The following GPC5 variants were observed in gnomAD, a reference collection of about 807,000 sequenced individuals.
The protein encoded by GPC5 is glypican 5.
A neutral mutation model predicts 53.9 loss-of-function variants in GPC5; 47 were observed. The observed-to-expected ratio is 0.87, with a 90% CI of 0.69 to 1.11. The LOEUF (loss-of-function observed/expected upper bound fraction) is 1.11. Among genes scored for constraint, GPC5 ranks in the 50% most tolerant of loss-of-function variants. The pLI, the probability that GPC5 is intolerant of heterozygous loss-of-function variation, is 0.00. For synonymous variants in GPC5, 286 were observed against 263.3 expected (o/e 1.09, Z -0.84); for missense variants, 748 against 713.1 (o/e 1.05, Z -0.56).
At chr13:92,409,966 GTGTA>G (rs1182986541) in intron 7 of GPC5, among the ~76,000 whole-genome samples, 4 of 152,204 alleles carry the variant, frequency 2.6e-5, no homozygotes, top group Non-Finnish European at 4.4e-5. Flanking sequence ...AAAATAAGGT[GTGTA>G]TGTGTGTGTA....
chr13:92,559,563 C>G (rs1411427983), intron 7 of GPC5, among the ~76,000 whole-genome samples: 1 of 151,676 alleles, frequency 6.6e-6, no homozygotes, highest in Non-Finnish European at 1.5e-5. Context: ...GGCTCTTACA[C>G]TCCAACAGGC....
intron 6 of GPC5, among the ~76,000 whole-genome samples, chr13:91,951,291 C>T (rs922303731): frequency 9.9e-5 from 15 of 151,962 alleles, no homozygotes; most frequent in African/African-American, 3.6e-4. Flanking sequence ...ACCATGAATA[C>T]ATAAAATTCG....
chr13:92,286,574 T>C (rs993089144), intron 7 of GPC5, among the ~76,000 whole-genome samples: 1 of 152,180 alleles, frequency 6.6e-6, no homozygotes, highest in African/African-American at 2.4e-5. Context: ...AATGAGTTCA[T>C]ATCCTTTGTA....
chr13:92,483,891 G>A (rs1879452280), intron 7 of GPC5, among the ~76,000 whole-genome samples: 1 of 151,988 alleles, frequency 6.6e-6, no homozygotes, highest in African/African-American at 2.4e-5. Context: ...ACTCTGGGAG[G>A]TCAAGGTGGG....
intron 2 of GPC5, among the ~76,000 whole-genome samples, chr13:91,451,190 A>C (rs1315990289): frequency 6.6e-6 from 1 of 152,228 alleles, no homozygotes; most frequent in Non-Finnish European, 1.5e-5. Flanking sequence ...AATGATGTTA[A>C]GTAGATGTGC....
At chr13:92,136,963 T>C (rs1416969167) in intron 6 of GPC5, among the ~76,000 whole-genome samples, 1 of 152,112 alleles carries the variant, frequency 6.6e-6, no homozygotes, top group Non-Finnish European at 1.5e-5. Context: ...CAACTAAACA[T>C]AAGCAGGAAG....
intron 7 of GPC5, among the ~76,000 whole-genome samples, chr13:92,778,538 T>A (rs1369621786): frequency 1.3e-5 from 2 of 152,244 alleles, no homozygotes; most frequent in African/African-American, 4.8e-5. Context: ...ATGTACTTAA[T>A]GCATGTGACA....
intron 7 of GPC5, among the ~76,000 whole-genome samples, chr13:92,324,965 A>G (rs1024050720): frequency 1.3e-4 from 19 of 151,996 alleles, no homozygotes; most frequent in African/African-American, 4.6e-4. Flanking sequence ...AACTGAGAGC[A>G]TGATTACATC....
chr13:91,866,427 C>A (rs910798425), intron 5 of GPC5, among the ~76,000 whole-genome samples: 5 of 152,096 alleles, frequency 3.3e-5, no homozygotes, highest in African/African-American at 9.7e-5. Flanking sequence ...AAAGGTGGAT[C>A]CCCATGAATG....
intron 7 of GPC5, among the ~76,000 whole-genome samples, chr13:92,853,573 A>G (rs1000975410): frequency 1.3e-5 from 2 of 152,158 alleles, no homozygotes; most frequent in African/African-American, 4.8e-5. Context: ...AAACAATAAC[A>G]CAAGTTCCAC....
intron 7 of GPC5, among the ~76,000 whole-genome samples, chr13:92,837,579 C>G (rs1175812144): frequency 6.6e-6 from 1 of 152,024 alleles, no homozygotes; most frequent in African/African-American, 2.4e-5. Context: ...AATTTTCTCT[C>G]GAGATATCTG....
At chr13:92,694,531 C>G (rs547782702) in intron 7 of GPC5, among the ~76,000 whole-genome samples, 10 of 152,188 alleles carry the variant, frequency 6.6e-5, no homozygotes, top group Non-Finnish European at 1.5e-4. Flanking sequence ...TAATGACTGC[C>G]TCTCTGTATT....
intron 3 of GPC5, among the ~76,000 whole-genome samples, chr13:91,718,062 C>G (rs1055681670): frequency 3.3e-5 from 5 of 152,078 alleles, no homozygotes; most frequent in African/African-American, 1.2e-4. Context: ...TTTTACATGT[C>G]TAGAGATATT....
intron 7 of GPC5, among the ~76,000 whole-genome samples, chr13:92,278,120 A>G (rs1432418295): frequency 6.6e-6 from 1 of 151,856 alleles, no homozygotes. Flanking sequence ...TTAAACTATA[A>G]AAATATATAC....
At chr13:92,474,147 GT>G (rs3064719) in intron 7 of GPC5, among the ~76,000 whole-genome samples, 43,221 of 147,826 alleles carry the variant, frequency 0.29, 6,226 homozygotes, top group East Asian at 0.44. Flanking sequence ...CCATTGATCT[GT>G]TTTTTTTTTT....
At chr13:92,581,952 C>T (rs779712975) in intron 7 of GPC5, among the ~76,000 whole-genome samples, 11 of 152,052 alleles carry the variant, frequency 7.2e-5, no homozygotes, top group African/African-American at 9.7e-5. Flanking sequence ...TGGATATCAA[C>T]GCATTACCAG....
At chr13:92,462,523 T>C (rs1878529925) in intron 7 of GPC5, among the ~76,000 whole-genome samples, 1 of 152,084 alleles carries the variant, frequency 6.6e-6, no homozygotes, top group Non-Finnish European at 1.5e-5. Context: ...ATAATTTGTT[T>C]TGCAAATGTT....
intron 7 of GPC5, among the ~76,000 whole-genome samples, chr13:92,495,080 A>G (rs1361047217): frequency 6.6e-6 from 1 of 152,168 alleles, no homozygotes; most frequent in Non-Finnish European, 1.5e-5. Context: ...TTGTGTGAAG[A>G]TGTCTTTTTC....
chr13:92,607,904 G>C (rs892540573), intron 7 of GPC5, among the ~76,000 whole-genome samples: 46 of 152,128 alleles, frequency 3.0e-4, no homozygotes, highest in African/African-American at 1.1e-3. Flanking sequence ...GAGACATCAA[G>C]ACCAACACCT....
Sources: allele counts gnomAD v4.1 joint callset (sites outside exome capture counted in the v4.1 genomes callset), GRCh38; gene constraint gnomAD v4.1.1; transcripts MANE v1.5; gene names NCBI Gene and HGNC (gene_info 2026-07-23, HGNC 2026-07-21).